The following NR6A1 variants were observed in gnomAD, a reference collection of about 807,000 sequenced individuals.
The protein encoded by NR6A1 is retinoic acid receptor-related testis-associated receptor.
Under a neutral mutation model 59.1 loss-of-function variants are expected in NR6A1, and 7 were observed. That is an observed-to-expected ratio of 0.12 (90% CI 0.07 to 0.22). The LOEUF is 0.22. NR6A1 is among the 10% of genes least tolerant of loss of function. The pLI, the probability that NR6A1 is intolerant of heterozygous loss-of-function variation, is 1.00. For synonymous variants in NR6A1, 243 were observed against 236.1 expected, an observed-to-expected ratio of 1.03 and a Z score of -0.27; for missense variants, 468 against 611.6, an observed-to-expected ratio of 0.77 and a Z score of 2.48.
At chr9:124,675,304 T>C (rs1837920734) in intron 2 of NR6A1, among the ~76,000 whole-genome samples, 1 of 152,270 alleles carries the variant, frequency 6.6e-6, no homozygotes, top group Non-Finnish European at 1.5e-5. Flanking sequence ...AATTGTAATT[T>C]ATCTGTCTAA....
At chr9:124,524,069 C>T (rs1354129720) in intron 9 of NR6A1, among the ~76,000 whole-genome samples, 1 of 152,176 alleles carries the variant, frequency 6.6e-6, no homozygotes, top group African/African-American at 2.4e-5. Context: ...CACACACACC[C>T]CAATACATAA....
At chr9:124,542,016 G>A (rs921772514) in intron 4 of NR6A1, among the ~76,000 whole-genome samples, 9 of 152,202 alleles carry the variant, frequency 5.9e-5, no homozygotes, top group Non-Finnish European at 1.2e-4. Flanking sequence ...TGGGCAAAGG[G>A]AGAGGAAAAT....
At chr9:124,756,581 C>T (rs535000964) in intron 1 of NR6A1, among the ~76,000 whole-genome samples, 28 of 152,282 alleles carry the variant, frequency 1.8e-4, no homozygotes, top group Non-Finnish European at 3.4e-4. Flanking sequence ...TGTGAATGCC[C>T]TTCAAATTAG....
intron 3 of NR6A1, among the ~76,000 whole-genome samples, chr9:124,547,904 C>T (rs989170678): frequency 1.3e-4 from 19 of 151,902 alleles, no homozygotes; most frequent in African/African-American, 4.6e-4. Flanking sequence ...AATAAAATTG[C>T]TATAAAGGAC....
chr9:124,605,668 G>C (rs924628200), intron 2 of NR6A1, among the ~76,000 whole-genome samples: 3 of 152,162 alleles, frequency 2.0e-5, no homozygotes, highest in Non-Finnish European at 4.4e-5. Context: ...ATTAACAAAT[G>C]AAATAATGAT....
chr9:124,645,795 ATCCAATTCAAT>A (rs1836914253), intron 2 of NR6A1, among the ~76,000 whole-genome samples: 1 of 152,224 alleles, frequency 6.6e-6, no homozygotes, highest in Non-Finnish European at 1.5e-5. Flanking sequence ...AGAATACTTC[ATCCAATTCAAT>A]AGCAGCAGAT....
intron 2 of NR6A1, among the ~76,000 whole-genome samples, chr9:124,568,152 A>G (rs1329340531): frequency 2.5e-5 from 3 of 122,138 alleles, no homozygotes; most frequent in Admixed American, 8.8e-5. Flanking sequence ...CTAGCCTGGC[A>G]GAGCAATACT....
intron 2 of NR6A1, among the ~76,000 whole-genome samples, chr9:124,608,059 CA>C (rs1234537203): frequency 6.6e-6 from 1 of 150,776 alleles, no homozygotes. Flanking sequence ...GAGACAGTCT[CA>C]AAAAAATAAA....
At chr9:124,702,138 A>G (rs936720428) in intron 2 of NR6A1, among the ~76,000 whole-genome samples, 1 of 152,222 alleles carries the variant, frequency 6.6e-6, no homozygotes, top group South Asian at 2.1e-4. Context: ...CAATTCATCA[A>G]TGAATTTCTT....
chr9:124,675,867 G>A (rs1205902922), intron 2 of NR6A1, among the ~76,000 whole-genome samples: 2 of 152,140 alleles, frequency 1.3e-5, no homozygotes, highest in African/African-American at 4.8e-5. Context: ...CTGGCTTCAA[G>A]CGTTCTCCAA....
chr9:124,714,937 T>C (rs1204931784), intron 2 of NR6A1, among the ~76,000 whole-genome samples: 1 of 152,094 alleles, frequency 6.6e-6, no homozygotes, highest in African/African-American at 2.4e-5. Context: ...CGGTGACTCA[T>C]GCCTGTAATC....
chr9:124,534,957 T>C (rs1833212188), intron 7 of NR6A1, among the ~76,000 whole-genome samples: 1 of 152,018 alleles, frequency 6.6e-6, no homozygotes, highest in South Asian at 2.1e-4. Flanking sequence ...ACCCCATCTC[T>C]ACTAAATATA....
Position 124,598,648 on chromosome 9 carries a change from A to AG in NR6A1, c.143-44079_143-44078insC, listed in dbSNP as rs71372977. 12 of 50,710 alleles carry AG rather than the reference A, an allele frequency of 2.4e-4. No homozygotes were observed. In the South Asian group the frequency reaches 3.5e-3, roughly 15 times the overall value. The allele number at this position is 50,710 out of a possible 1,614,324, so 3.1% of individuals were successfully genotyped here. A position where few individuals can be genotyped will look rare whatever the true frequency, so the allele number is the denominator to read the frequency against. On this transcript the variant is annotated intron_variant, in intron 2 of 9. Transcript: ENST00000487099. ...CAAAAAAGAGGGGCAGAGTAAAATT[A>AG]AAAAAAAAAAAAAAAAAAAAACAAG...
chr9:124,721,780 T>C (rs1470481252), intron 2 of NR6A1, among the ~76,000 whole-genome samples: 2 of 152,322 alleles, frequency 1.3e-5, no homozygotes, highest in East Asian at 3.9e-4. Context: ...TATAAATCAT[T>C]ACACTGCCTT....
intron 2 of NR6A1, chr9:124,599,602 G>A (rs1258490829): frequency 2.6e-6 from 3 of 1,164,962 alleles, no homozygotes; most frequent in South Asian, 1.5e-5. Context: ...GGCGGCGGCC[G>A]CTCGGCTGAG....
intron 2 of NR6A1, among the ~76,000 whole-genome samples, chr9:124,640,984 A>G (rs910293806): frequency 3.3e-5 from 5 of 152,182 alleles, no homozygotes; most frequent in African/African-American, 1.2e-4. Flanking sequence ...TATGTTAAGC[A>G]TTTCATATGT....
At chr9:124,580,935 C>A (rs1001712002) in intron 2 of NR6A1, among the ~76,000 whole-genome samples, 1 of 152,104 alleles carries the variant, frequency 6.6e-6, no homozygotes, top group African/African-American at 2.4e-5. Context: ...GGTATGAGAA[C>A]AGACACACAG....
At chr9:124,582,973 C>CT (rs988966248) in intron 2 of NR6A1, among the ~76,000 whole-genome samples, 4 of 152,120 alleles carry the variant, frequency 2.6e-5, no homozygotes, top group African/African-American at 9.7e-5. Flanking sequence ...GCCCTTCCCC[C>CT]CCAAAGCACT....
chr9:124,593,143 C>T (rs1276009211), intron 2 of NR6A1, among the ~76,000 whole-genome samples: 1 of 152,118 alleles, frequency 6.6e-6, no homozygotes, highest in African/African-American at 2.4e-5. Flanking sequence ...AGATGTGGCA[C>T]GATATCACAA....
Sources: allele counts gnomAD v4.1 joint callset (sites outside exome capture counted in the v4.1 genomes callset), GRCh38; gene constraint gnomAD v4.1.1; transcripts MANE v1.5; gene names NCBI Gene and HGNC (gene_info 2026-07-23, HGNC 2026-07-21).